Variants in GPC5 observed in about 807,000 individuals in gnomAD.
GPC5 encodes glypican-5.
Under a neutral mutation model 53.9 loss-of-function variants are expected in GPC5, and 47 were observed. That is an observed-to-expected ratio of 0.87 (90% confidence interval 0.69 to 1.11). The LOEUF (loss-of-function observed/expected upper bound fraction) is 1.11. Among genes scored for constraint, GPC5 ranks in the 50% most tolerant of loss-of-function variants. GPC5 has a pLI of 0.00. For missense variants in GPC5, 748 were observed against 713.1 expected, an observed-to-expected ratio of 1.05 and a Z score of -0.56; for synonymous variants, 286 against 263.3, an observed-to-expected ratio of 1.09 and a Z score of -0.84.
rs34121348 is a variant in GPC5, at chr13:92,434,665, C to T, written c.1561+289676C>T. Among the ~76,000 whole-genome samples, 790 of 152,176 alleles carry T rather than the reference C, an allele frequency of 5.2e-3. 13 individuals carry two copies. The highest frequency in any genetic ancestry group is 0.027 in the Middle Eastern group (8 of 292). On this transcript the variant is annotated intron_variant, in intron 7 of 7. Coordinates refer to ENST00000377067, the MANE Select transcript of GPC5 (RefSeq NM_004466.6). ...AAGAAATATCTTGAAGGTAATATCC[C>T]TTTGCAGTGTGATAAAAATTTAAAG...
chr13:92,682,253 T>C lies in GPC5; in HGVS notation c.1562-184029T>C, dbSNP rs7325797. Among the ~76,000 whole-genome samples, 1,030 of 152,318 alleles carry C rather than the reference T, an allele frequency of 6.8e-3. 12 individuals carry two copies. Among genetic ancestry groups the C allele is most frequent in the African/African-American group, 0.023 (968 of 41,568 alleles). On this transcript the variant is annotated intron_variant, in intron 7 of 7. Coordinates refer to ENST00000377067, the MANE Select transcript of GPC5 (RefSeq NM_004466.6). Reference sequence around the variant, plus strand: ...TCCCTTTCAAAAATTTATTCTGTAATAGCAATAAATTCAGTGTCTTCTGGG... The same window carrying C: ...TCCCTTTCAAAAATTTATTCTGTAACAGCAATAAATTCAGTGTCTTCTGGG...
At chr13:92,529,991 G>T (rs1417450435) in intron 7 of GPC5, among the ~76,000 whole-genome samples, 1 of 152,126 alleles carries the variant, frequency 6.6e-6, no homozygotes, top group Non-Finnish European at 1.5e-5. Flanking sequence ...GGCTGAGGCG[G>T]GGGAGGATGG....
chr13:91,796,352 G>A (rs566647985), intron 5 of GPC5, among the ~76,000 whole-genome samples: 3 of 152,252 alleles, frequency 2.0e-5, no homozygotes, highest in Admixed American at 1.3e-4. Context: ...TCAAAATGGC[G>A]GGTCTGCAAT....
intron 7 of GPC5, among the ~76,000 whole-genome samples, chr13:92,489,876 G>GA (rs5805749): frequency 0.59 from 87,612 of 147,762 alleles, 26,121 homozygotes; most frequent in East Asian, 0.75. Context: ...ATTGCAAACA[G>GA]AAAAAAAAAA....
At chr13:92,793,288 G>A (rs1876534519) in intron 7 of GPC5, among the ~76,000 whole-genome samples, 1 of 152,074 alleles carries the variant, frequency 6.6e-6, no homozygotes, top group Admixed American at 6.6e-5. Flanking sequence ...AATGACTACT[G>A]GGTACATAAC....
intron 7 of GPC5, among the ~76,000 whole-genome samples, chr13:92,860,144 C>G (rs1457480037): frequency 6.6e-6 from 1 of 152,070 alleles, no homozygotes; most frequent in Non-Finnish European, 1.5e-5. Flanking sequence ...CATTGTTTCA[C>G]TTATTAACAA....
chr13:92,357,582 C>T (rs2043532723), intron 7 of GPC5, among the ~76,000 whole-genome samples: 1 of 151,514 alleles, frequency 6.6e-6, no homozygotes, highest in African/African-American at 2.4e-5. Context: ...TAAAGAACTA[C>T]CAGAGACTCG....
At chr13:91,981,500 A>G (rs904216229) in intron 6 of GPC5, among the ~76,000 whole-genome samples, 4 of 152,200 alleles carry the variant, frequency 2.6e-5, no homozygotes, top group African/African-American at 9.6e-5. Flanking sequence ...CGTGTTAGCC[A>G]GGATGGTCTC....
At chr13:92,303,172 C>T (rs2043086977) in intron 7 of GPC5, among the ~76,000 whole-genome samples, 1 of 151,742 alleles carries the variant, frequency 6.6e-6, no homozygotes, top group Non-Finnish European at 1.5e-5. Context: ...TGGGATAGAA[C>T]AAGTGAGTTT....
chr13:92,506,498 T>C (rs1880374724), intron 7 of GPC5, among the ~76,000 whole-genome samples: 1 of 152,146 alleles, frequency 6.6e-6, no homozygotes, highest in African/African-American at 2.4e-5. Context: ...TCAAGCAAAG[T>C]AAATTCCAAA....
At position 92,066,903 on chromosome 13, in the gene GPC5, A is replaced by G. The variant is rs115881126; in HGVS notation, c.1402-77927A>G. Among the ~76,000 whole-genome samples, 311 of 152,194 alleles carry G rather than the reference A, an allele frequency of 2.0e-3. 2 individuals carry two copies. The highest frequency in any genetic ancestry group is 7.1e-3 in the African/African-American group (294 of 41,572). On this transcript the variant is annotated intron_variant, in intron 6 of 7. Coordinates refer to ENST00000377067, the MANE Select transcript of GPC5 (RefSeq NM_004466.6). ...CCAGATAGCTTTAAGCAAATGTTAG[A>G]AAGGTGAACATTTATAGGCTTCCAA...
At chr13:91,606,699 C>G (rs1320121286) in intron 2 of GPC5, among the ~76,000 whole-genome samples, 336 of 149,586 alleles carry the variant, frequency 2.2e-3, no homozygotes, top group African/African-American at 7.4e-3. Context: ...TGTATGTGTC[C>G]AGGAATTTAT....
chr13:91,459,054 C>T (rs576292470), intron 2 of GPC5, among the ~76,000 whole-genome samples: 3 of 151,554 alleles, frequency 2.0e-5, no homozygotes, highest in East Asian at 3.9e-4. Context: ...TTTGGGGACT[C>T]GTGAGGAAGG....
chr13:91,770,403 A>G (rs2037600914), intron 5 of GPC5, among the ~76,000 whole-genome samples: 1 of 152,172 alleles, frequency 6.6e-6, no homozygotes, highest in Non-Finnish European at 1.5e-5. Context: ...TCTCTGGAGA[A>G]TGGAAAGTCA....
At chr13:91,821,499 T>C (rs2038495098) in intron 5 of GPC5, among the ~76,000 whole-genome samples, 1 of 152,222 alleles carries the variant, frequency 6.6e-6, no homozygotes, top group Non-Finnish European at 1.5e-5. Flanking sequence ...AAAGTGGAGA[T>C]ATTTCTTCTG....
chr13:92,343,509 T>C (rs1006701123), intron 7 of GPC5, among the ~76,000 whole-genome samples: 1 of 152,170 alleles, frequency 6.6e-6, no homozygotes, highest in Non-Finnish European at 1.5e-5. Flanking sequence ...ATTATGTGAG[T>C]TCTCAAATTC....
chr13:92,045,089 A>C (rs528709672), intron 6 of GPC5, among the ~76,000 whole-genome samples: 1 of 152,322 alleles, frequency 6.6e-6, no homozygotes, highest in Admixed American at 6.5e-5. Context: ...TTTCAAACAA[A>C]CTATTCTTGA....
rs1253398202 is a variant in GPC5, at chr13:91,771,404, A to G, written c.1280+14984A>G. 2.0e-5 allele frequency among the ~76,000 whole-genome samples: 3 copies of G among 152,222 alleles called. No homozygotes were observed. The East Asian group carries it at 5.8e-4, about 29-fold the overall frequency. On this transcript the variant is annotated intron_variant, in intron 5 of 7. Transcript: ENST00000377067. The stretch of plus-strand genomic sequence containing the variant: ...TTTGAAGGGTAACTGGGCAACATGT[A>G]TCAATATTGCAAATACACATGACCT...
At chr13:92,166,217 A>G (rs2042026170) in intron 7 of GPC5, among the ~76,000 whole-genome samples, 1 of 152,160 alleles carries the variant, frequency 6.6e-6, no homozygotes, top group African/African-American at 2.4e-5. Flanking sequence ...TATATTTTTG[A>G]GAGGACCATC....
Sources: allele counts gnomAD v4.1 joint callset (sites outside exome capture counted in the v4.1 genomes callset), GRCh38; gene constraint gnomAD v4.1.1; transcripts MANE v1.5; gene names NCBI Gene and HGNC (gene_info 2026-07-23, HGNC 2026-07-21).